CHL1: variants seen among roughly 807,000 people sequenced by gnomAD.
The protein encoded by CHL1 is cell adhesion molecule L1 like, also known as neural cell adhesion molecule L1-like protein.
Under a neutral mutation model 141.9 loss-of-function variants are expected in CHL1, and 96 were observed. That is an observed-to-expected ratio of 0.68 (90% CI 0.57 to 0.80). CHL1 has a LOEUF of 0.80. CHL1 is among the 30% of genes least tolerant of loss of function. The pLI, the probability that CHL1 is intolerant of heterozygous loss-of-function variation, is 0.00. For synonymous variants in CHL1, 613 were observed against 502.2 expected (o/e 1.22, Z -2.95); for missense variants, 1,820 against 1,457.2 (o/e 1.25, Z -4.05).
intron 20 of CHL1, 80 bp downstream of exon 20, chr3:389,554 T>A (rs1036203135): frequency 1.9e-6 from 2 of 1,070,734 alleles, no homozygotes; most frequent in Non-Finnish European, 2.8e-6. Context: ...AACAAATATT[T>A]GTGAACAACT....
At chr3:346,554 A>G (rs1208923144) in intron 9 of CHL1, among the ~76,000 whole-genome samples, 1 of 152,216 alleles carries the variant, frequency 6.6e-6, no homozygotes, top group Non-Finnish European at 1.5e-5. Context: ...AAATAATGAA[A>G]TGCTCTCATG....
chr3:273,709 T>A (rs1472541318), intron 2 of CHL1, among the ~76,000 whole-genome samples: 2 of 152,202 alleles, frequency 1.3e-5, no homozygotes, highest in African/African-American at 4.8e-5. Context: ...AATAAGGGTA[T>A]ATATCTCTTA....
chr3:284,903 A>G (rs982923966), intron 2 of CHL1, among the ~76,000 whole-genome samples: 1 of 152,202 alleles, frequency 6.6e-6, no homozygotes, highest in African/African-American at 2.4e-5. Context: ...ATTAAGTACA[A>G]AATTCTGCAG....
At chr3:370,507 C>T (rs1476931401) in intron 15 of CHL1, among the ~76,000 whole-genome samples, 1 of 147,538 alleles carries the variant, frequency 6.8e-6, no homozygotes, top group East Asian at 2.0e-4. Flanking sequence ...ATCAGTCTAG[C>T]TAGTCATCTA....
intron 2 of CHL1, among the ~76,000 whole-genome samples, chr3:273,491 A>T (rs971351000): frequency 1.3e-5 from 2 of 152,116 alleles, no homozygotes. Flanking sequence ...CTTTAATCTT[A>T]TTCAAGACTT....
intron 2 of CHL1, among the ~76,000 whole-genome samples, chr3:277,903 C>T (rs970644308): frequency 6.6e-6 from 1 of 152,208 alleles, no homozygotes; most frequent in African/African-American, 2.4e-5. Flanking sequence ...AGAAGTTTTA[C>T]AGCTACATTT....
chr3:344,400 A>T (rs1702588674), intron 8 of CHL1, among the ~76,000 whole-genome samples, 189 bp from the exon 9 acceptor site: 1 of 152,036 alleles, frequency 6.6e-6, no homozygotes, highest in South Asian at 2.1e-4. Context: ...TATGAGGGAC[A>T]ACCCATGCTT....
chr3:349,277 T>C (rs1024988279), intron 9 of CHL1, 82 bp from the exon 10 acceptor site: 1 of 1,218,322 alleles, frequency 8.2e-7, no homozygotes. Context: ...AGCACCCTGA[T>C]AAAGGATGTG....
At chr3:399,529 A>C (rs1393927697) in intron 26 of CHL1, among the ~76,000 whole-genome samples, 1 of 152,106 alleles carries the variant, frequency 6.6e-6, no homozygotes, top group Non-Finnish European at 1.5e-5. Flanking sequence ...AATCCCAGCT[A>C]CTCGGAAGGC....
chr3:389,204 G>A, intron 19 of CHL1, 48 bp from the exon 20 acceptor site: 1 of 1,476,076 alleles, frequency 6.8e-7, no homozygotes, highest in Non-Finnish European at 9.3e-7. Context: ...TCATCTCTGA[G>A]TCAACACATC....
At chr3:202,226 G>T (rs967743743) in intron 1 of CHL1, among the ~76,000 whole-genome samples, 1 of 152,190 alleles carries the variant, frequency 6.6e-6, no homozygotes, top group African/African-American at 2.4e-5. Context: ...TATGCAGACA[G>T]ATTAGTAGCA....
intron 11 of CHL1, among the ~76,000 whole-genome samples, chr3:355,020 A>AT (rs1703593493): frequency 6.6e-6 from 1 of 152,190 alleles, no homozygotes; most frequent in Non-Finnish European, 1.5e-5. Flanking sequence ...AAGATTTTTA[A>AT]TTTTTAAAAA....
chr3:244,011 C>T (rs966732475), intron 1 of CHL1, among the ~76,000 whole-genome samples: 2 of 152,104 alleles, frequency 1.3e-5, no homozygotes, highest in African/African-American at 4.8e-5. Context: ...TGGGAATGAA[C>T]AGTAAAAGGA....
chr3:343,175 C>T (rs1575118073), intron 8 of CHL1, 144 bp downstream of exon 8: 8 of 552,430 alleles, frequency 1.4e-5, no homozygotes, highest in South Asian at 3.3e-5. Flanking sequence ...TTCTATTGCC[C>T]CCCATGCCCT....
In CHL1 at chr3:402,233, T is replaced by A. The variant is rs919446618; in HGVS notation, c.3458+535T>A. ...AGGATTTTGGAAAAAGAATCATCCATAAGAGATAAGCTAAGCCTTAAAGGA... is the reference window on the plus strand; with the variant it reads ...AGGATTTTGGAAAAAGAATCATCCAAAAGAGATAAGCTAAGCCTTAAAGGA... On this transcript the variant is annotated intron_variant, in intron 27 of 27. Transcript: ENST00000256509. 3.9e-5 allele frequency among the ~76,000 whole-genome samples: 6 copies of A among 152,294 alleles called. No homozygotes were observed. The East Asian group carries it at 1.2e-3, about 29-fold the overall frequency.
At chr3:368,376 G>A (rs1006981420) in intron 15 of CHL1, among the ~76,000 whole-genome samples, 2 of 152,000 alleles carry the variant, frequency 1.3e-5, no homozygotes, top group East Asian at 1.9e-4. Flanking sequence ...TCATATGTTT[G>A]TTGGCCATGT....
chr3:397,601 C>T (rs1708783913), intron 24 of CHL1, among the ~76,000 whole-genome samples: 1 of 152,032 alleles, frequency 6.6e-6, no homozygotes, highest in Non-Finnish European at 1.5e-5. Flanking sequence ...ATTTTATCTT[C>T]TACTATGAGA....
chr3:388,491 G>C (rs1446697992), intron 19 of CHL1, among the ~76,000 whole-genome samples: 1 of 146,432 alleles, frequency 6.8e-6, no homozygotes, highest in Admixed American at 6.9e-5. Flanking sequence ...AGGTTGCCGT[G>C]AGCCGAGATC....
At chr3:222,803 A>G (rs1700972077) in intron 1 of CHL1, among the ~76,000 whole-genome samples, 1 of 152,172 alleles carries the variant, frequency 6.6e-6, no homozygotes, top group Non-Finnish European at 1.5e-5. Flanking sequence ...TCTAACGCAT[A>G]TTGATTTCTA....
Sources: gnomAD v4.1 joint callset for allele counts (sites outside exome capture counted in the v4.1 genomes callset) on GRCh38, gnomAD v4.1.1 for gene constraint, MANE v1.5 for transcripts, NCBI Gene and HGNC (gene_info 2026-07-23, HGNC 2026-07-21) for gene names.